Variants in ERBB4 observed in about 807,000 individuals in gnomAD.
ERBB4 encodes the protein receptor tyrosine-protein kinase erbB-4.
Under a neutral mutation model 158.0 loss-of-function variants are expected in ERBB4, and 42 were observed. The observed-to-expected ratio is 0.27, with a 90% CI of 0.21 to 0.34. ERBB4 has a LOEUF of 0.34. ERBB4 is among the 10% of genes least tolerant of loss of function. The pLI, the probability that ERBB4 is intolerant of heterozygous loss-of-function variation, is 1.00. For missense variants in ERBB4, 1,333 were observed against 1,624.1 expected (o/e 0.82, Z 3.08); for synonymous variants, 583 against 558.7 (o/e 1.04, Z -0.61).
At chr2:212,020,930 TATC>T (rs2076635323) in intron 2 of ERBB4, among the ~76,000 whole-genome samples, 1 of 152,166 alleles carries the variant, frequency 6.6e-6, no homozygotes, top group East Asian at 1.9e-4. Flanking sequence ...CAGATTTTCT[TATC>T]ATTAAAATCA....
intron 9 of ERBB4, among the ~76,000 whole-genome samples, chr2:211,709,274 T>TACACACATATATATATATATAC (rs56023302): frequency 1.5e-5 from 2 of 136,558 alleles, no homozygotes; most frequent in African/African-American, 5.7e-5. Context: ...TATATATATA[T>TACACACATATATATATATATAC]ACATACATAT....
intron 1 of ERBB4, among the ~76,000 whole-genome samples, chr2:212,502,414 A>T (rs1236263580): frequency 6.6e-6 from 1 of 152,176 alleles, no homozygotes; most frequent in Non-Finnish European, 1.5e-5. Flanking sequence ...TGAGGTAGGT[A>T]TTATTTTCCT....
chr2:211,633,482 A>ATT (rs3068983), intron 16 of ERBB4, among the ~76,000 whole-genome samples: 11,637 of 127,168 alleles, frequency 0.092, 695 homozygotes, highest in African/African-American at 0.14. Context: ...GTATTTTCTA[A>ATT]TTTTTTTTTT....
intron 5 of ERBB4, among the ~76,000 whole-genome samples, chr2:211,736,872 T>C (rs2106169382): frequency 6.6e-6 from 1 of 152,158 alleles, no homozygotes; most frequent in Non-Finnish European, 1.5e-5. Flanking sequence ...TTATAGAAAA[T>C]AATATAATCT....
intron 1 of ERBB4, among the ~76,000 whole-genome samples, chr2:212,167,688 C>A (rs991695044): frequency 6.6e-6 from 1 of 152,030 alleles, no homozygotes; most frequent in Non-Finnish European, 1.5e-5. Flanking sequence ...ATGGAACCAA[C>A]ACAAATGCCC....
intron 2 of ERBB4, among the ~76,000 whole-genome samples, chr2:211,962,749 A>G (rs1431366915): frequency 6.6e-6 from 1 of 152,144 alleles, no homozygotes; most frequent in South Asian, 2.1e-4. Context: ...GAATACAAAA[A>G]TACTTCATGA....
chr2:211,383,765 C>T lies in ERBB4; in HGVS notation c.3777G>A (p.Leu1259=), dbSNP rs762177916. Residue 1259 remains leucine (L), a synonymous_variant, in exon 28 of 28, where the codon CTG becomes CTA. Transcript: ENST00000342788. ...PRSTLQHPDY[L]QEYSTKYFYK... ...AAAAATATTTTGTGCTGTACTCCTG[C>T]AGGTAGTCTGGGTGCTGAAGGGTGC... 3.1e-6 allele frequency: 5 copies of T among 1,614,094 alleles called. No individual in the cohort carries two copies. The highest frequency in any genetic ancestry group is 4.2e-6 in the Non-Finnish European group (5 of 1,180,014).
chr2:211,712,280 T>A (rs1396185645), intron 8 of ERBB4, 104 bp from the exon 9 acceptor site: 5 of 1,091,074 alleles, frequency 4.6e-6, no homozygotes, highest in Admixed American at 4.1e-5. Flanking sequence ...AATTGTAACA[T>A]ATAAAATATA....
At chr2:212,292,788 A>C (rs1044839934) in intron 1 of ERBB4, among the ~76,000 whole-genome samples, 1 of 152,082 alleles carries the variant, frequency 6.6e-6, no homozygotes. Context: ...TTCTGCGTGA[A>C]ATTGAAAGAT....
chr2:211,944,466 C>A (rs1261689170), intron 3 of ERBB4, among the ~76,000 whole-genome samples: 2 of 151,388 alleles, frequency 1.3e-5, no homozygotes, highest in Non-Finnish European at 2.9e-5. Flanking sequence ...TCTTCCTTAT[C>A]TTTAAGTCAT....
At chr2:211,603,108 G>T (rs56109620) in intron 19 of ERBB4, among the ~76,000 whole-genome samples, 5,763 of 152,188 alleles carry the variant, frequency 0.038, 397 homozygotes, top group African/African-American at 0.13. Flanking sequence ...GCACACACCT[G>T]TAGTCCCAGC....
At chr2:212,376,386 T>C (rs1025976760) in intron 1 of ERBB4, among the ~76,000 whole-genome samples, 5 of 152,026 alleles carry the variant, frequency 3.3e-5, no homozygotes, top group South Asian at 4.1e-4. Context: ...CAAGGCATTT[T>C]GCTTCTTGAC....
intron 1 of ERBB4, among the ~76,000 whole-genome samples, chr2:212,523,990 G>C (rs1182639379): frequency 6.6e-6 from 1 of 151,778 alleles, no homozygotes; most frequent in East Asian, 1.9e-4. Flanking sequence ...GTTCTCCAAG[G>C]CTATACAGAA....
chr2:212,310,453 T>C (rs1441114967), intron 1 of ERBB4, among the ~76,000 whole-genome samples: 2 of 150,780 alleles, frequency 1.3e-5, no homozygotes, highest in South Asian at 2.1e-4. Context: ...TTTTTCTTTT[T>C]CATGCCACCA....
intron 2 of ERBB4, among the ~76,000 whole-genome samples, chr2:211,957,377 A>C (rs897455211): frequency 2.6e-5 from 4 of 152,112 alleles, no homozygotes; most frequent in African/African-American, 9.7e-5. Flanking sequence ...TCTCAGAAGA[A>C]ACCAACGCTA....
At chr2:212,050,024 C>T (rs2077359247) in intron 2 of ERBB4, among the ~76,000 whole-genome samples, 1 of 151,928 alleles carries the variant, frequency 6.6e-6, no homozygotes, top group Non-Finnish European at 1.5e-5. Context: ...TAGAAAGGAA[C>T]AGGGACAAAG....
At chr2:212,003,497 T>C (rs1424934888) in intron 2 of ERBB4, among the ~76,000 whole-genome samples, 1 of 151,950 alleles carries the variant, frequency 6.6e-6, no homozygotes. Flanking sequence ...TAACAGCCAA[T>C]TCGTGCTGAC....
chr2:211,580,822 TA>T (rs2068059140), intron 19 of ERBB4, among the ~76,000 whole-genome samples: 1 of 18,004 alleles, frequency 5.6e-5, no homozygotes, highest in African/African-American at 8.1e-5. Flanking sequence ...AATATATATA[TA>T]TTATATATAT....
intron 20 of ERBB4, among the ~76,000 whole-genome samples, chr2:211,460,216 T>C (rs1045025012): frequency 7.9e-5 from 12 of 152,176 alleles, no homozygotes; most frequent in Admixed American, 1.3e-4. Context: ...TCTCACTGCC[T>C]TCTTCGTCTG....
Sources: gnomAD v4.1 joint callset for allele counts (sites outside exome capture counted in the v4.1 genomes callset) on GRCh38, gnomAD v4.1.1 for gene constraint, MANE v1.5 for transcripts, NCBI Gene and HGNC (gene_info 2026-07-23, HGNC 2026-07-21) for gene names.